Variants in SPHKAP observed in about 807,000 individuals in gnomAD.
SPHKAP encodes A-kinase anchor protein SPHKAP.
Under a neutral mutation model 137.5 loss-of-function variants are expected in SPHKAP, and 67 were observed. That is an observed-to-expected ratio of 0.49 (90% CI 0.40 to 0.60). The LOEUF (loss-of-function observed/expected upper bound fraction) is 0.60. Among genes scored for constraint, SPHKAP ranks in the 20% least tolerant of loss-of-function variants. SPHKAP has a pLI of 0.00. For synonymous variants in SPHKAP, 813 were observed against 785.3 expected (o/e 1.04, Z -0.59); for missense variants, 2,097 against 2,069.3 (o/e 1.01, Z -0.26).
chr2:228,175,457 T>C lies in SPHKAP; in HGVS notation c.32+6110A>G, dbSNP rs1354013542. Among the ~76,000 whole-genome samples, 5 of 152,116 alleles carry C rather than the reference T, an allele frequency of 3.3e-5. No individual in the cohort carries two copies. The East Asian group carries it at 7.7e-4, about 23-fold the overall frequency. On this transcript the variant is annotated intron_variant, in intron 1 of 11. Transcript: ENST00000392056. The stretch of plus-strand genomic sequence containing the variant: ...ACTTGTAAAAACCTCACACTGGATG[T>C]GAAGTGGTATGTTAAAATTTGAAGG...
chr2:228,010,026 A>G (rs919655842), intron 7 of SPHKAP, among the ~76,000 whole-genome samples: 1 of 152,062 alleles, frequency 6.6e-6, no homozygotes, highest in Admixed American at 6.5e-5. Flanking sequence ...TTCTCTGCAT[A>G]TCTCCCTCTA....
At chr2:228,041,853 C>T (rs903249491) in intron 3 of SPHKAP, among the ~76,000 whole-genome samples, 15 of 151,616 alleles carry the variant, frequency 9.9e-5, no homozygotes, top group Non-Finnish European at 2.1e-4. Context: ...GCTCTCAGCT[C>T]CTATGCTGTT....
chr2:227,997,919 ACT>A (rs1693695780), intron 7 of SPHKAP, among the ~76,000 whole-genome samples: 1 of 152,146 alleles, frequency 6.6e-6, no homozygotes, highest in Non-Finnish European at 1.5e-5. Context: ...GCAGAGCCAC[ACT>A]CTTAGTCTAG....
At chr2:228,081,230 C>T (rs1440490258) in intron 3 of SPHKAP, among the ~76,000 whole-genome samples, 2 of 152,202 alleles carry the variant, frequency 1.3e-5, no homozygotes, top group Non-Finnish European at 2.9e-5. Context: ...CTCCCACCTA[C>T]TCCTTTTCTC....
chr2:228,109,118 C>A (rs1298395027), intron 2 of SPHKAP, among the ~76,000 whole-genome samples, 179 bp from the exon 3 acceptor site: 1 of 151,856 alleles, frequency 6.6e-6, no homozygotes, highest in Non-Finnish European at 1.5e-5. Flanking sequence ...TATAAAATAT[C>A]CAACCTAGAA....
intron 3 of SPHKAP, among the ~76,000 whole-genome samples, chr2:228,092,296 C>CACACACACGTGTATGTGCGTGTATACGT (rs1697793552): frequency 1.0e-5 from 1 of 98,410 alleles, no homozygotes; most frequent in South Asian, 2.6e-4. Context: ...TGTATACGTG[C>CACACACACGTGTATGTGCGTGTATACGT]ACACACACGT....
At chr2:228,044,033 T>G (rs188341024) in intron 3 of SPHKAP, among the ~76,000 whole-genome samples, 1 of 152,340 alleles carries the variant, frequency 6.6e-6, no homozygotes, top group Non-Finnish European at 1.5e-5. Flanking sequence ...ATAGTGAACT[T>G]AATTTAAAAA....
intron 1 of SPHKAP, among the ~76,000 whole-genome samples, chr2:228,148,750 A>C (rs1184277516): frequency 6.6e-6 from 1 of 152,160 alleles, no homozygotes; most frequent in Non-Finnish European, 1.5e-5. Context: ...AGAGGACCAC[A>C]CCCACAATAA....
At chr2:228,059,648 C>T (rs760166507) in intron 3 of SPHKAP, among the ~76,000 whole-genome samples, 4 of 152,084 alleles carry the variant, frequency 2.6e-5, no homozygotes, top group Non-Finnish European at 4.4e-5. Context: ...TTAGGTAACA[C>T]GAAACTTAAA....
At chr2:227,990,760 C>A (rs904215105) in intron 11 of SPHKAP, 6 of 410,460 alleles carry the variant, frequency 1.5e-5, no homozygotes, top group East Asian at 4.1e-5. Context: ...AAGTTCCCAT[C>A]CCCTCAATTT....
At chr2:228,089,960 A>G (rs1665094823) in intron 3 of SPHKAP, among the ~76,000 whole-genome samples, 1 of 152,218 alleles carries the variant, frequency 6.6e-6, no homozygotes, top group South Asian at 2.1e-4. Context: ...CTACTTGTGA[A>G]GTGCTGAAGG....
intron 7 of SPHKAP, among the ~76,000 whole-genome samples, chr2:228,000,176 C>T (rs1056808037): frequency 2.0e-5 from 3 of 152,150 alleles, no homozygotes; most frequent in Admixed American, 1.3e-4. Context: ...TAGCATGTAG[C>T]GTCTTAAGAT....
chr2:228,161,239 T>C (rs1700263805), intron 1 of SPHKAP, among the ~76,000 whole-genome samples: 1 of 152,144 alleles, frequency 6.6e-6, no homozygotes, highest in Non-Finnish European at 1.5e-5. Flanking sequence ...AGTAGGTCAG[T>C]CTAGCTACTG....
intron 7 of SPHKAP, chr2:227,996,108 T>TAGA: frequency 1.0e-6 from 1 of 985,184 alleles, no homozygotes; most frequent in Non-Finnish European, 1.2e-6. Context: ...TTGATTCTAA[T>TAGA]GCAAGAGGAT....
At chr2:228,126,241 C>T (rs74655604) in intron 2 of SPHKAP, among the ~76,000 whole-genome samples, 2,960 of 152,228 alleles carry the variant, frequency 0.019, 99 homozygotes, top group African/African-American at 0.068. Context: ...ATTTTAAATG[C>T]ATTATTTTGG....
At chr2:228,115,917 C>A (rs914505582) in intron 2 of SPHKAP, among the ~76,000 whole-genome samples, 1 of 152,126 alleles carries the variant, frequency 6.6e-6, no homozygotes, top group Admixed American at 6.6e-5. Flanking sequence ...TAAAAGGGCT[C>A]TGCCCTCATG....
At chr2:228,128,373 A>C (rs1343203116) in intron 2 of SPHKAP, among the ~76,000 whole-genome samples, 1 of 152,226 alleles carries the variant, frequency 6.6e-6, no homozygotes, top group Non-Finnish European at 1.5e-5. Context: ...TTCAAGATCT[A>C]TCAGGAGATT....
At chr2:228,135,473 G>T (rs568590074) in intron 1 of SPHKAP, among the ~76,000 whole-genome samples, 14 of 152,248 alleles carry the variant, frequency 9.2e-5, no homozygotes, top group Admixed American at 5.9e-4. Context: ...TAGACAATCT[G>T]CTACAGTACT....
intron 1 of SPHKAP, among the ~76,000 whole-genome samples, chr2:228,135,406 G>A (rs1422705438): frequency 1.3e-5 from 2 of 152,012 alleles, no homozygotes; most frequent in Non-Finnish European, 2.9e-5. Context: ...AAAACTAAAA[G>A]GTCGGCCTTG....
Sources: gnomAD v4.1 joint callset for allele counts (sites outside exome capture counted in the v4.1 genomes callset) on GRCh38, gnomAD v4.1.1 for gene constraint, MANE v1.5 for transcripts, NCBI Gene and HGNC (gene_info 2026-07-23, HGNC 2026-07-21) for gene names.